MALRD1: variants seen among roughly 807,000 people sequenced by gnomAD.
MALRD1 encodes MAM and LDL-receptor class A domain-containing protein 1.
Under a neutral mutation model 242.1 loss-of-function variants are expected in MALRD1, and 247 were observed. The ratio of observed to expected loss-of-function variants is 1.02; its 90% CI spans 0.92 to 1.13. The LOEUF is 1.13. Among genes scored for constraint, MALRD1 ranks in the 50% most tolerant of loss-of-function variants. The probability of loss-of-function intolerance (pLI) is 0.00; values close to 1 mark genes in which losing one functional copy is unlikely to be tolerated. For missense variants in MALRD1, 2,989 were observed against 2,533.1 expected (o/e 1.18, Z -3.86); for synonymous variants, 995 against 866.6 (o/e 1.15, Z -2.60).
At chr10:19,178,951 C>T (rs1332002074) in intron 14 of MALRD1, among the ~76,000 whole-genome samples, 1 of 152,206 alleles carries the variant, frequency 6.6e-6, no homozygotes, top group Admixed American at 6.5e-5. Flanking sequence ...ACAGAGACCT[C>T]TGCATGATGG....
intron 38 of MALRD1, among the ~76,000 whole-genome samples, chr10:19,709,235 G>A (rs1341263127): frequency 5.8e-5 from 7 of 121,206 alleles, no homozygotes; most frequent in East Asian, 2.5e-4. Flanking sequence ...GTGAAACCCC[G>A]TCTGTACTAA....
In MALRD1 at chr10:19,209,611, G is replaced by A; in HGVS notation, c.2922G>A (p.Gln974=). ...ACTCAAGGGGACAGCTGCTGTGGCA[G>A]ATATTTGGGAATCAAGGCAACAGAT... ...WSDSRGQLLW[Q]IFGNQGNRWI... Residue 974 remains glutamine, a synonymous_variant, in exon 18 of 40, where the codon CAG becomes CAA. Transcript: ENST00000454679. 1 of 1,550,988 alleles carries A rather than the reference G, an allele frequency of 6.4e-7. No individual in the cohort carries two copies. Among genetic ancestry groups the A allele is most frequent in the South Asian group, 1.2e-5 (1 of 84,056 alleles).
chr10:19,508,157 C>G (rs1018848898), intron 31 of MALRD1, among the ~76,000 whole-genome samples: 1 of 152,110 alleles, frequency 6.6e-6, no homozygotes, highest in African/African-American at 2.4e-5. Flanking sequence ...TTACATGTAA[C>G]TACTGCAATA....
In MALRD1 at chr10:19,675,941, A is replaced by G. The variant is rs183121704; in HGVS notation, c.6138-16341A>G. On this transcript the variant is annotated intron_variant, in intron 36 of 39. Coordinates refer to ENST00000454679, the MANE Select transcript of MALRD1 (RefSeq NM_001142308.3). ...GCATGTCTAAAGCACAGGTACAAAG[A>G]AAGGCTTCCAGAGATAAATGATAAT... 1.2e-3 allele frequency among the ~76,000 whole-genome samples: 183 copies of G among 152,340 alleles called. 1 individual carries two copies. The highest frequency in any genetic ancestry group is 4.2e-3 in the African/African-American group (174 of 41,584).
At chr10:19,634,610 T>C (rs1479498792) in intron 36 of MALRD1, among the ~76,000 whole-genome samples, 1 of 152,210 alleles carries the variant, frequency 6.6e-6, no homozygotes, top group Non-Finnish European at 1.5e-5. Context: ...GGCATTGTTC[T>C]GGATTCTGTT....
intron 28 of MALRD1, among the ~76,000 whole-genome samples, chr10:19,435,493 G>A (rs539501674): frequency 1.6e-4 from 25 of 152,134 alleles, no homozygotes; most frequent in African/African-American, 4.8e-4. Flanking sequence ...TGTTTTTGGT[G>A]ATCATGAGAG....
intron 35 of MALRD1, among the ~76,000 whole-genome samples, chr10:19,615,321 C>A (rs1290226515): frequency 2.0e-5 from 3 of 150,824 alleles, no homozygotes; most frequent in Non-Finnish European, 4.4e-5. Flanking sequence ...AGTTTAAGAC[C>A]AGACTGGACA....
chr10:19,356,289 G>A (rs977818232), intron 26 of MALRD1, among the ~76,000 whole-genome samples: 9 of 151,998 alleles, frequency 5.9e-5, no homozygotes, highest in Non-Finnish European at 5.9e-5. Context: ...TGGAAGGGAG[G>A]ATAAAGCCAG....
Position 19,133,883 on chromosome 10 carries a change from A to C in MALRD1, c.1138A>C (p.Ile380Leu), listed in dbSNP as rs930460083. Reference protein sequence around the residue: ...KEEEIFWTYNISTHSQWVKAD... With the variant: ...KEEEIFWTYNLSTHSQWVKAD... ...AGAAGAAATATTTTGGACATACAAC[A>C]TATCAACTCACAGCCAATGGGTGAA... The change falls in exon 9 of 40, where the codon ATA becomes CTA. Residue 380 changes from isoleucine (I) to leucine (L), a missense_variant. Ile to Leu is a conservative substitution (Grantham distance 5). Coordinates refer to ENST00000454679, the MANE Select transcript of MALRD1 (RefSeq NM_001142308.3). 1 of 1,230,742 alleles carries C rather than the reference A, an allele frequency of 8.1e-7. No individual in the cohort carries two copies. Among genetic ancestry groups the C allele is most frequent in the African/African-American group, 1.6e-5 (1 of 64,388 alleles). The allele number at this position is 1,230,742 out of a possible 1,614,324, so 76.2% of individuals were successfully genotyped here.
chr10:19,230,984 A>G (rs75605591), intron 18 of MALRD1, among the ~76,000 whole-genome samples: 6,895 of 152,242 alleles, frequency 0.045, 234 homozygotes, highest in Non-Finnish European at 0.068. Context: ...GGAGACTTTT[A>G]TGTGTGACCC....
rs371438833 is a variant in MALRD1 at position 19,132,523 on chromosome 10, G to A, written c.1111-1333G>A. On this transcript the variant is annotated intron_variant, in intron 8 of 39. Transcript: ENST00000454679. ...TAAGCATTTGAGGGTGCAGGACTAA[G>A]TTGAAAGTAGATTCATTTTTAGAAA... 7.0e-4 allele frequency among the ~76,000 whole-genome samples: 106 copies of A among 152,324 alleles called. No homozygotes were observed. In the South Asian group the frequency reaches 0.014, roughly 21 times the overall value.
At chr10:19,508,922 G>C (rs967068816) in intron 31 of MALRD1, among the ~76,000 whole-genome samples, 1 of 152,138 alleles carries the variant, frequency 6.6e-6, no homozygotes, top group South Asian at 2.1e-4. Context: ...TAACTTTGAA[G>C]ATGAGTAGTC....
At chr10:19,387,852 G>C in intron 27 of MALRD1, 79 bp downstream of exon 27, 1 of 1,479,738 alleles carries the variant, frequency 6.8e-7, no homozygotes. Context: ...ATAGCAACTG[G>C]GGAGCTCTGA....
chr10:19,335,952 CT>C (rs1250510965), intron 24 of MALRD1, among the ~76,000 whole-genome samples: 1 of 152,006 alleles, frequency 6.6e-6, no homozygotes, highest in East Asian at 1.9e-4. Flanking sequence ...TGTCCCTCCC[CT>C]AGCCCCCCAC....
chr10:19,136,736 C>T lies in MALRD1; in HGVS notation c.1366C>T (p.Arg456Trp), dbSNP rs565168639. Reference protein sequence around the residue: ...CIAKESVCDSRQDCSDESDED... With the variant: ...CIAKESVCDSWQDCSDESDED... Reference sequence around the variant, plus strand: ...CGCCAAAGAATCTGTCTGTGACTCTCGGCAGGACTGCTCCGATGAGAGTGA... The same window carrying T: ...CGCCAAAGAATCTGTCTGTGACTCTTGGCAGGACTGCTCCGATGAGAGTGA... The change falls in exon 10 of 40, where the codon CGG becomes TGG. Residue 456 changes from arginine (R) to tryptophan (W), a missense_variant. Transcript: ENST00000454679. 6.8e-5 allele frequency: 84 copies of T among 1,231,622 alleles called. No individual in the cohort carries two copies. Among genetic ancestry groups the T allele is most frequent in the South Asian group, 2.9e-4 (7 of 24,304 alleles). 76.3% of individuals were successfully genotyped at this position (1,231,622 alleles called of 1,614,324 possible).
At chr10:19,302,180 A>G (rs192163375) in intron 21 of MALRD1, among the ~76,000 whole-genome samples, 9 of 151,958 alleles carry the variant, frequency 5.9e-5, no homozygotes, top group Admixed American at 5.3e-4. Context: ...GTAAAATTAT[A>G]CAGGCAACTG....
intron 38 of MALRD1, among the ~76,000 whole-genome samples, chr10:19,707,189 C>T (rs537905619): frequency 1.4e-4 from 22 of 151,894 alleles, no homozygotes; most frequent in African/African-American, 5.3e-4. Flanking sequence ...TCTGCCTCCT[C>T]CTCCTTCTCT....
intron 33 of MALRD1, among the ~76,000 whole-genome samples, chr10:19,570,162 G>A (rs116029242): frequency 1.5e-3 from 234 of 151,962 alleles, no homozygotes; most frequent in African/African-American, 5.4e-3. Context: ...TGTAATAAAC[G>A]TACCTCTCCC....
intron 21 of MALRD1, among the ~76,000 whole-genome samples, chr10:19,321,845 G>T (rs1842925217): frequency 6.6e-6 from 1 of 152,032 alleles, no homozygotes; most frequent in Non-Finnish European, 1.5e-5. Context: ...AAGTGGATTG[G>T]GGGACATGAT....
Sources: gnomAD v4.1 joint callset for allele counts (sites outside exome capture counted in the v4.1 genomes callset) on GRCh38, gnomAD v4.1.1 for gene constraint, MANE v1.5 for transcripts, NCBI Gene and HGNC (gene_info 2026-07-23, HGNC 2026-07-21) for gene names.